Variants in ANKRD55 observed in about 807,000 individuals in gnomAD.
ANKRD55 encodes ankyrin repeat domain-containing protein 55.
In ANKRD55, 41 loss-of-function variants were observed where a neutral mutation model predicts 60.6. That is an observed-to-expected ratio of 0.68 (90% CI 0.53 to 0.88). ANKRD55 has a LOEUF of 0.88. Among genes scored for constraint, ANKRD55 ranks in the 40% least tolerant of loss-of-function variants. The pLI, the probability that ANKRD55 is intolerant of heterozygous loss-of-function variation, is 0.00. For missense variants in ANKRD55, 732 were observed against 767.6 expected, an observed-to-expected ratio of 0.95 and a Z score of 0.55; for synonymous variants, 264 against 290.3, an observed-to-expected ratio of 0.91 and a Z score of 0.92.
chr5:56,198,239 G>A (rs1759271555), intron 2 of ANKRD55, among the ~76,000 whole-genome samples: 1 of 152,044 alleles, frequency 6.6e-6, no homozygotes, highest in Admixed American at 6.6e-5. Context: ...CAAGATAGTT[G>A]CCCTACTTAA....
intron 7 of ANKRD55, among the ~76,000 whole-genome samples, chr5:56,132,589 T>TAAAAAA (rs1183428923): frequency 3.5e-5 from 3 of 84,724 alleles, no homozygotes; most frequent in Admixed American, 1.3e-4. Context: ...AGACTCTATC[T>TAAAAAA]AAAAAAAAAA....
chr5:56,162,557 C>A (rs376533987), intron 5 of ANKRD55, among the ~76,000 whole-genome samples: 25 of 152,310 alleles, frequency 1.6e-4, no homozygotes, highest in African/African-American at 5.8e-4. Flanking sequence ...ACAGCCCCTT[C>A]CTTGCCCCTT....
chr5:56,127,052 T>G lies in ANKRD55; in HGVS notation c.667A>C (p.Ile223Leu). ...CCACTCTCATCATCATAGTTGATTA[T>G]GGACGGCCCCTGGTGATGGCTCAGA... Reference protein sequence around the residue: ...IILSHHQGPSIINYDDESGKT... With the variant: ...IILSHHQGPSLINYDDESGKT... Residue 223 changes from isoleucine (I) to leucine (L), a missense_variant, in exon 8 of 12, where the codon ATA (isoleucine) becomes CTA (leucine). Around this residue, in one of 3 missense-constraint regions of ANKRD55, gnomAD observed 597 missense variants for 607.5 expected, o/e 0.98. Coordinates refer to ENST00000341048, the MANE Select transcript of ANKRD55 (RefSeq NM_024669.3). The G allele has an allele frequency of 6.2e-7, 1 of 1,613,890 alleles. No homozygotes were observed. The highest frequency in any genetic ancestry group is 8.5e-7 in the Non-Finnish European group (1 of 1,179,886).
At chr5:56,177,909 C>T (rs1457822880) in intron 3 of ANKRD55, among the ~76,000 whole-genome samples, 1 of 152,186 alleles carries the variant, frequency 6.6e-6, no homozygotes, top group Non-Finnish European at 1.5e-5. Flanking sequence ...CAGGGAACAC[C>T]TTCCTGACCC....
At chr5:56,182,633 C>T (rs6885726) in intron 3 of ANKRD55, among the ~76,000 whole-genome samples, 4,771 of 152,086 alleles carry the variant, frequency 0.031, 263 homozygotes, top group African/African-American at 0.11. Context: ...CTTGGTATGA[C>T]GAGTGATTTT....
intron 2 of ANKRD55, 133 bp from the exon 3 acceptor site, chr5:56,183,767 T>C: frequency 8.6e-7 from 1 of 1,163,078 alleles, no homozygotes; most frequent in Non-Finnish European, 1.2e-6. Context: ...GTCTGGGTCA[T>C]CCTGGCTACA....
At chr5:56,104,796 A>G (rs936154068) in intron 10 of ANKRD55, among the ~76,000 whole-genome samples, 2 of 152,134 alleles carry the variant, frequency 1.3e-5, no homozygotes, top group Non-Finnish European at 2.9e-5. Context: ...TTGATGTGGG[A>G]GGAAAGACAG....
At chr5:56,172,862 C>T (rs1205193797) in intron 4 of ANKRD55, among the ~76,000 whole-genome samples, 1 of 152,172 alleles carries the variant, frequency 6.6e-6, no homozygotes, top group Admixed American at 6.5e-5. Context: ...ACTACTAAAC[C>T]AGAGTTGAGA....
intron 7 of ANKRD55, chr5:56,137,467 T>TAA: frequency 1.2e-6 from 1 of 807,686 alleles, no homozygotes; most frequent in East Asian, 2.4e-5. Context: ...GAAGAGGAGA[T>TAA]TGCCCAGAAG....
At chr5:56,116,527 G>T in intron 9 of ANKRD55, 88 bp downstream of exon 9, 1 of 1,131,670 alleles carries the variant, frequency 8.8e-7, no homozygotes, top group Non-Finnish European at 1.2e-6. Context: ...ATTATTATTG[G>T]TTTGCACCTT....
intron 9 of ANKRD55, among the ~76,000 whole-genome samples, chr5:56,112,511 A>AAAAAACAAAAAAAAAAAAC: frequency 1.2e-5 from 1 of 81,526 alleles, no homozygotes; most frequent in African/African-American, 5.4e-5. Flanking sequence ...TAGCAAAAAA[A>AAAAAACAAAAAAAAAAAAC]AAAAAAAAAA....
At chr5:56,192,771 A>G in intron 2 of ANKRD55, 1 of 1,094,970 alleles carries the variant, frequency 9.1e-7, no homozygotes, top group Non-Finnish European at 1.4e-6. Context: ...CGTAAAGATG[A>G]GAACACAGAC....
At chr5:56,105,663 ATGACCATGCCGTGAGGTC>A (rs1179883970) in intron 10 of ANKRD55, among the ~76,000 whole-genome samples, 1 of 152,166 alleles carries the variant, frequency 6.6e-6, no homozygotes, top group Non-Finnish European at 1.5e-5. Flanking sequence ...GAAGCTGAGC[ATGACCATGCCGTGAGGTC>A]TGACCATGCC....
Position 56,111,361 on chromosome 5 carries a change from G to T in ANKRD55, c.1387C>A (p.Pro463Thr), listed in dbSNP as rs1184678431. Residue 463 changes from proline (P) to threonine (T), a missense_variant, in exon 10 of 12, where the codon CCT becomes ACT. By Grantham distance (38) the Pro-to-Thr change is conservative. Around this residue, in one of 3 missense-constraint regions of ANKRD55, gnomAD observed 597 missense variants for 607.5 expected, o/e 0.98. Coordinates refer to ENST00000341048, the MANE Select transcript of ANKRD55 (RefSeq NM_024669.3). ...ATSHAGLSSA[P>T]HHMAQRSQKS... ...TGAGATCGCTGGGCCATATGATGAG[G>T]AGCAGAGCTCAGGCCTGCATGGGAA... 1 of 1,614,026 alleles carries T rather than the reference G, an allele frequency of 6.2e-7. No individual in the cohort carries two copies. The highest frequency in any genetic ancestry group is 1.7e-5 in the Admixed American group (1 of 60,008).
At position 56,111,641 on chromosome 5, in the gene ANKRD55, T is replaced by A; in HGVS notation, c.1107A>T (p.Arg369=). The A allele has an allele frequency of 6.4e-7, 1 of 1,554,194 alleles. No individual in the cohort carries two copies. Among genetic ancestry groups the A allele is most frequent in the Non-Finnish European group, 8.7e-7 (1 of 1,155,720 alleles). ...RAHQKDPSRD[R]YREEDTSEVN... ...CTTCTGAGGTGTCCTCCTCTCTGTA[T>A]CGGTCCCTGCTGGGATCCTTCTGAT... is the stretch of plus-strand genomic sequence containing the variant. Residue 369 remains arginine, a synonymous_variant, in exon 10 of 12, where the codon CGA becomes CGT. Transcript: ENST00000341048.
intron 7 of ANKRD55, among the ~76,000 whole-genome samples, chr5:56,143,091 C>T (rs1757812670): frequency 6.6e-6 from 1 of 152,172 alleles, no homozygotes; most frequent in South Asian, 2.1e-4. Flanking sequence ...GACAGGTGCC[C>T]TTTCTGGGCC....
At chr5:56,219,272 C>CTA (rs1581029754) in intron 2 of ANKRD55, among the ~76,000 whole-genome samples, 1 of 46,924 alleles carries the variant, frequency 2.1e-5, no homozygotes, top group African/African-American at 1.6e-4. Flanking sequence ...GACTCTGCCT[C>CTA]CAAAAAAAAA....
At chr5:56,106,009 C>T (rs1756453183) in intron 10 of ANKRD55, among the ~76,000 whole-genome samples, 1 of 152,222 alleles carries the variant, frequency 6.6e-6, no homozygotes, top group African/African-American at 2.4e-5. Flanking sequence ...TTCCAAGTCT[C>T]TAGGATAAGT....
At chr5:56,159,589 G>T (rs538614768) in intron 6 of ANKRD55, among the ~76,000 whole-genome samples, 1 of 152,338 alleles carries the variant, frequency 6.6e-6, no homozygotes, top group Non-Finnish European at 1.5e-5. Flanking sequence ...TCAGTCGTAT[G>T]ATAAATGCTG....
Sources: allele counts gnomAD v4.1 joint callset (sites outside exome capture counted in the v4.1 genomes callset), GRCh38; gene constraint gnomAD v4.1.1; regional missense constraint gnomAD v4.1.1; transcripts MANE v1.5; gene names NCBI Gene and HGNC (gene_info 2026-07-23, HGNC 2026-07-21).